The following SMCHD1 variants were observed in gnomAD, a reference collection of about 807,000 sequenced individuals.
The protein encoded by SMCHD1 is structural maintenance of chromosomes flexible hinge domain containing 1.
In SMCHD1, 78 loss-of-function variants were observed where a neutral mutation model predicts 254.7. The observed-to-expected ratio is 0.31, with a 90% CI of 0.26 to 0.37. SMCHD1 has a LOEUF of 0.37. Among genes scored for constraint, SMCHD1 ranks in the 10% least tolerant of loss-of-function variants. SMCHD1 has a pLI of 1.00. For missense variants in SMCHD1, 1,840 were observed against 2,408.1 expected, an observed-to-expected ratio of 0.76 and a Z score of 4.94; for synonymous variants, 766 against 794.9, an observed-to-expected ratio of 0.96 and a Z score of 0.61.
At chr18:2,695,554 C>T (rs1598328397) in intron 8 of SMCHD1, among the ~76,000 whole-genome samples, 1 of 152,136 alleles carries the variant, frequency 6.6e-6, no homozygotes, top group South Asian at 2.1e-4. Context: ...AGGTGATCCA[C>T]CCACCTCAGC....
Position 2,732,284 on chromosome 18 carries a change from C to A in SMCHD1, c.3068C>A (p.Pro1023His), listed in dbSNP as rs757100557. Residue 1023 changes from proline (P) to histidine (H), a missense_variant, in exon 25 of 48, where the codon CCT (proline) becomes CAT (histidine). Physicochemically the swap from Pro to His is moderately conservative, Grantham distance 77 (BLOSUM62 -2). Coordinates refer to ENST00000320876, the MANE Select transcript of SMCHD1 (RefSeq NM_015295.3). ...TTCTAGAGTTGTAAAGATGTGGCAC[C>A]TGTGGAGAAGACTATTAAGTTGCTT... ...IEIPSCKDVA[P>H]VEKTIKLLPS... The A allele has an allele frequency of 1.2e-6, 2 of 1,613,346 alleles. No homozygotes were observed. Among genetic ancestry groups the A allele is most frequent in the Non-Finnish European group, 1.7e-6 (2 of 1,179,530 alleles).
chr18:2,658,322 TTACAGAAG>T (rs2073135943), intron 1 of SMCHD1, among the ~76,000 whole-genome samples: 1 of 152,236 alleles, frequency 6.6e-6, no homozygotes, highest in Non-Finnish European at 1.5e-5. Context: ...TGGCCTTTTA[TTACAGAAG>T]TATAAACACA....
intron 13 of SMCHD1, among the ~76,000 whole-genome samples, chr18:2,704,662 C>G (rs576627783): frequency 1.4e-5 from 2 of 146,784 alleles, no homozygotes; most frequent in Admixed American, 1.4e-4. Context: ...CAGAGCAGAT[C>G]GTTAAATACT....
chr18:2,690,386 G>A (rs1332041835), intron 7 of SMCHD1, among the ~76,000 whole-genome samples: 4 of 152,138 alleles, frequency 2.6e-5, no homozygotes, highest in Non-Finnish European at 5.9e-5. Context: ...AAGACATTGC[G>A]ATGAGTATCT....
At chr18:2,725,273 T>C (rs1206740317) in intron 21 of SMCHD1, among the ~76,000 whole-genome samples, 1 of 151,952 alleles carries the variant, frequency 6.6e-6, no homozygotes, top group Non-Finnish European at 1.5e-5. Flanking sequence ...CAAAGCCATT[T>C]TTTCGACATA....
At chr18:2,678,829 T>G (rs1443695272) in intron 5 of SMCHD1, among the ~76,000 whole-genome samples, 2 of 20,154 alleles carry the variant, frequency 9.9e-5, no homozygotes, top group African/African-American at 1.3e-4. Flanking sequence ...TTTGTTTTTT[T>G]TTTTTTTTTG....
chr18:2,690,120 A>G (rs910404090), intron 7 of SMCHD1, among the ~76,000 whole-genome samples: 2 of 151,216 alleles, frequency 1.3e-5, no homozygotes, highest in African/African-American at 2.4e-5. Flanking sequence ...AAGGAAGATA[A>G]AAATACTCCC....
At chr18:2,798,388 T>G (rs1302854771) in intron 47 of SMCHD1, among the ~76,000 whole-genome samples, 1 of 152,188 alleles carries the variant, frequency 6.6e-6, no homozygotes, top group African/African-American at 2.4e-5. Context: ...AAAGAAAGAC[T>G]CTTTGCAGTG....
At chr18:2,762,490 AC>A (rs2075803538) in intron 36 of SMCHD1, among the ~76,000 whole-genome samples, 3 of 129,488 alleles carry the variant, frequency 2.3e-5, no homozygotes, top group South Asian at 2.4e-4. Context: ...CAATCTGCCT[AC>A]CTTTTTTTTT....
At chr18:2,755,565 C>CTTTTTTTTTT (rs11413061) in intron 34 of SMCHD1, among the ~76,000 whole-genome samples, 18 of 108,136 alleles carry the variant, frequency 1.7e-4, no homozygotes, top group Middle Eastern at 5.7e-3. Context: ...TTCTTTCTTT[C>CTTTTTTTTTT]TTTTTTTTTT....
chr18:2,711,572 T>C (rs1346986993), intron 17 of SMCHD1, among the ~76,000 whole-genome samples: 1 of 137,272 alleles, frequency 7.3e-6, no homozygotes, highest in Non-Finnish European at 1.5e-5. Context: ...AAGCTCCGCC[T>C]CCCGGGTTCA....
rs8092853 is a variant in SMCHD1 at position 2,743,283 on chromosome 18, A to G, written c.3634-478A>G. 4.2e-3 allele frequency among the ~76,000 whole-genome samples: 645 copies of G among 152,332 alleles called. 4 individuals carry two copies. The highest frequency in any genetic ancestry group is 0.015 in the African/African-American group (619 of 41,570). On this transcript the variant is annotated intron_variant, in intron 28 of 47. Transcript: ENST00000320876. ...CATCTTGTCATGGAGAGAACATGCA[A>G]TAGATAAGAAATAAGAGGTAAGAAA...
At chr18:2,791,295 A>G (rs2076160540) in intron 45 of SMCHD1, among the ~76,000 whole-genome samples, 1 of 152,328 alleles carries the variant, frequency 6.6e-6, no homozygotes, top group South Asian at 2.1e-4. Context: ...AAACCAAAGA[A>G]AAAAACCACT....
At chr18:2,730,945 G>A (rs2075126600) in intron 24 of SMCHD1, among the ~76,000 whole-genome samples, 1 of 152,170 alleles carries the variant, frequency 6.6e-6, no homozygotes, top group Admixed American at 6.5e-5. Context: ...GAATTAGGGA[G>A]GAATCTGGAC....
intron 17 of SMCHD1, among the ~76,000 whole-genome samples, chr18:2,711,493 T>TTG (rs960817525): frequency 2.7e-5 from 4 of 146,934 alleles, no homozygotes; most frequent in Non-Finnish European, 4.5e-5. Context: ...TTTTTTTTTT[T>TTG]TTTTTTTGAG....
At chr18:2,673,927 G>A in intron 4 of SMCHD1, 88 bp from the exon 5 acceptor site, 1 of 1,342,202 alleles carries the variant, frequency 7.5e-7, no homozygotes, top group Non-Finnish European at 1.0e-6. Flanking sequence ...AAGTGAGCCT[G>A]TTGAATCATT....
chr18:2,666,064 A>C, intron 1 of SMCHD1, 93 bp from the exon 2 acceptor site: 1 of 620,252 alleles, frequency 1.6e-6, no homozygotes, highest in Non-Finnish European at 2.8e-6. Context: ...ACAGAATTAT[A>C]ATGTACTATC....
At chr18:2,714,481 A>G (rs2074752954) in intron 17 of SMCHD1, among the ~76,000 whole-genome samples, 1 of 151,972 alleles carries the variant, frequency 6.6e-6, no homozygotes, top group South Asian at 2.1e-4. Flanking sequence ...CAAGGTTAGT[A>G]TTTATATGTG....
Position 2,775,799 on chromosome 18 carries a change from T to C in SMCHD1, c.5241T>C (p.Ser1747=), listed in dbSNP as rs767517370. 1.2e-6 allele frequency: 2 copies of C among 1,613,468 alleles called. No homozygotes were observed. The highest frequency in any genetic ancestry group is 2.2e-5 in the South Asian group (2 of 91,012). ...TGGTTATTTCTTGGCATCTGGCAAGTGACATGGACTGTGTAGTCACCCTAA... is the reference window on the plus strand; with the variant it reads ...TGGTTATTTCTTGGCATCTGGCAAGCGACATGGACTGTGTAGTCACCCTAA... ...AAMVISWHLA[S]DMDCVVTLTT... The change falls in exon 42 of 48, where the codon AGT becomes AGC. Residue 1747 remains serine, a synonymous_variant. Transcript: ENST00000320876.
Sources: allele counts gnomAD v4.1 joint callset (sites outside exome capture counted in the v4.1 genomes callset), GRCh38; gene constraint gnomAD v4.1.1; transcripts MANE v1.5; gene names NCBI Gene and HGNC (gene_info 2026-07-23, HGNC 2026-07-21).